RBFOX1: variants seen among roughly 807,000 people sequenced by gnomAD.
The protein encoded by RBFOX1 is RNA binding fox-1 homolog 1, also known as RNA binding protein fox-1 homolog 1.
RBFOX1 carries 8 observed loss-of-function variants against 57.7 expected under a neutral mutation model. That is an observed-to-expected ratio of 0.14 (90% CI 0.08 to 0.25). RBFOX1 has a LOEUF of 0.25. RBFOX1 is among the 10% of genes least tolerant of loss of function. The pLI is 1.00. For missense variants in RBFOX1, 611 were observed against 548.5 expected, an observed-to-expected ratio of 1.11 and a Z score of -1.14; for synonymous variants, 326 against 222.4, an observed-to-expected ratio of 1.47 and a Z score of -4.15.
At position 7,709,102 on chromosome 16, in the gene RBFOX1, C is replaced by A; in HGVS notation, c.1042C>A (p.Pro348Thr). 6.2e-7 allele frequency: 1 copy of A among 1,613,582 alleles called. No homozygotes were observed. The highest frequency in any genetic ancestry group is 8.5e-7 in the Non-Finnish European group (1 of 1,179,714). ...AADPYHHALA[P>T]APTYGVGAMN... ...CGACCCCTACCACCACGCACTTGCT[C>A]CAGCCCCCACCTACGGCGTTGGTGC... Residue 348 changes from proline to threonine, a missense_variant, in exon 15 of 16, where the codon CCA (proline) becomes ACA (threonine). By Grantham distance (38) the Pro-to-Thr change is conservative (BLOSUM62 -1). Around this residue, in one of 3 missense-constraint regions of RBFOX1, gnomAD observed 267 missense variants for 229.1 expected, o/e 1.17. Transcript: ENST00000550418.
intron 4 of RBFOX1, among the ~76,000 whole-genome samples, chr16:5,985,217 C>A (rs2060263046): frequency 1.3e-5 from 2 of 151,496 alleles, no homozygotes; most frequent in African/African-American, 2.4e-5. Flanking sequence ...TGGTCTCGAT[C>A]TCCTGACCTC....
intron 4 of RBFOX1, among the ~76,000 whole-genome samples, chr16:7,075,812 C>G (rs1470304642): frequency 6.6e-6 from 1 of 152,090 alleles, no homozygotes; most frequent in Admixed American, 6.6e-5. Context: ...GATCTCCTGA[C>G]CTCGTGATCT....
intron 4 of RBFOX1, among the ~76,000 whole-genome samples, chr16:7,323,452 A>G (rs906157434): frequency 6.6e-6 from 1 of 152,174 alleles, no homozygotes; most frequent in African/African-American, 2.4e-5. Flanking sequence ...TTTTCTAAAA[A>G]CCCAGGCCAC....
intron 2 of RBFOX1, among the ~76,000 whole-genome samples, chr16:5,588,160 A>C (rs1163180915): frequency 6.6e-6 from 1 of 152,168 alleles, no homozygotes; most frequent in Non-Finnish European, 1.5e-5. Flanking sequence ...ACACAAATAA[A>C]TCCATAAAGA....
intron 3 of RBFOX1, among the ~76,000 whole-genome samples, chr16:6,963,821 C>G (rs1260597779): frequency 3.3e-5 from 5 of 151,670 alleles, no homozygotes; most frequent in African/African-American, 1.2e-4. Flanking sequence ...GCCTCAGCCT[C>G]TCGAGTAGCT....
chr16:6,572,971 C>G (rs956249761), intron 2 of RBFOX1, among the ~76,000 whole-genome samples: 4 of 152,126 alleles, frequency 2.6e-5, no homozygotes, highest in Non-Finnish European at 5.9e-5. Flanking sequence ...TAAATACCTT[C>G]CCTCGGGGAC....
At chr16:6,766,304 CT>C (rs960089028) in intron 3 of RBFOX1, among the ~76,000 whole-genome samples, 2 of 151,784 alleles carry the variant, frequency 1.3e-5, no homozygotes, top group African/African-American at 4.8e-5. Flanking sequence ...AGAATTTTTC[CT>C]TTTTTATTTA....
chr16:5,520,453 C>A (rs956028315), intron 2 of RBFOX1, among the ~76,000 whole-genome samples: 2 of 152,186 alleles, frequency 1.3e-5, no homozygotes, highest in African/African-American at 4.8e-5. Flanking sequence ...CTTGGGCGTC[C>A]ATGTCATCTA....
intron 1 of RBFOX1, among the ~76,000 whole-genome samples, chr16:5,460,235 C>T (rs1186154221): frequency 6.6e-6 from 1 of 152,204 alleles, no homozygotes; most frequent in Non-Finnish European, 1.5e-5. Context: ...AGGTTTGAAT[C>T]CCAGCCCACT....
rs183421526 is a variant in RBFOX1 at position 6,908,904 on chromosome 16, A to T, written c.-15-143153A>T. ...GAACAATGCTAGGCACATCCTAAGC[A>T]TTCATGACTGCAGCTGCTAGGATAA... is the stretch of plus-strand genomic sequence containing the variant. On this transcript the variant is annotated intron_variant, in intron 3 of 15. Transcript: ENST00000550418. 1.7e-4 allele frequency among the ~76,000 whole-genome samples: 26 copies of T among 152,272 alleles called. No individual in the cohort carries two copies. In the East Asian group the frequency reaches 4.8e-3, roughly 28 times the overall value.
intron 3 of RBFOX1, among the ~76,000 whole-genome samples, chr16:6,746,933 G>C (rs1048580993): frequency 7.9e-5 from 12 of 152,080 alleles, no homozygotes; most frequent in African/African-American, 2.7e-4. Flanking sequence ...GACTTCAGCA[G>C]GTGTCTCACT....
chr16:7,245,228 ATATAGT>A lies in RBFOX1; in HGVS notation c.27+193136_27+193141del, dbSNP rs574392677. Among the ~76,000 whole-genome samples, 16 of 152,318 alleles carry A rather than the reference ATATAGT, an allele frequency of 1.1e-4. No individual in the cohort carries two copies. The East Asian group carries it at 2.7e-3, about 26-fold the overall frequency. On this transcript the variant is annotated intron_variant, in intron 4 of 15. Coordinates refer to ENST00000550418, the MANE Select transcript of RBFOX1 (RefSeq NM_018723.4). ...TTATATTTCATTTGAAAAATATTTC[ATATAGT>A]TATAGAATTCTAGATTTTGAGTAAT...
At chr16:5,843,914 T>C (rs1224739323) in intron 3 of RBFOX1, among the ~76,000 whole-genome samples, 1 of 152,062 alleles carries the variant, frequency 6.6e-6, no homozygotes, top group Non-Finnish European at 1.5e-5. Flanking sequence ...GTTCTGGAGG[T>C]TGAATTTCAG....
intron 4 of RBFOX1, among the ~76,000 whole-genome samples, chr16:7,237,627 C>T (rs2093835971): frequency 6.6e-6 from 1 of 152,196 alleles, no homozygotes; most frequent in Admixed American, 6.5e-5. Context: ...GTAAATTCTG[C>T]TTTCTCAAGC....
rs920829972 is a variant in RBFOX1 at position 6,973,187 on chromosome 16, G to T, written c.-15-78870G>T. The stretch of plus-strand genomic sequence containing the variant: ...AAGGCCATCAGCTTTGAGAGAGTGT[G>T]TGTGTGGTGGTGGGGGGCGGGGTTG... On this transcript the variant is annotated intron_variant, in intron 3 of 15. Transcript: ENST00000550418. 7.9e-5 allele frequency among the ~76,000 whole-genome samples: 12 copies of T among 151,278 alleles called. 1 individual carries two copies. In the South Asian group the frequency reaches 2.3e-3, roughly 29 times the overall value.
chr16:5,313,187 C>A (rs1353354479), intron 1 of RBFOX1, among the ~76,000 whole-genome samples: 1 of 152,194 alleles, frequency 6.6e-6, no homozygotes, highest in African/African-American at 2.4e-5. Flanking sequence ...TACTCAAAGT[C>A]ATGCACAGCC....
rs928919435 is a variant in RBFOX1 at position 5,515,053 on chromosome 16, A to G, written c.258+47799A>G. Among the ~76,000 whole-genome samples the G allele has an allele frequency of 2.6e-5, 4 of 152,308 alleles. No individual in the cohort carries two copies. In the South Asian group the frequency reaches 8.3e-4, roughly 32 times the overall value. Reference sequence around the variant, plus strand: ...GAGCAAGGTCCCAGACTCTTTAACAACCAACTCTCTAATGAATTTACAGAA... The same window carrying G: ...GAGCAAGGTCCCAGACTCTTTAACAGCCAACTCTCTAATGAATTTACAGAA... On this transcript the variant is annotated intron_variant, in intron 2 of 2. Coordinates refer to the RBFOX1 transcript ENST00000585867.
chr16:7,289,286 G>T (rs1281283723), intron 4 of RBFOX1, among the ~76,000 whole-genome samples: 1 of 152,166 alleles, frequency 6.6e-6, no homozygotes, highest in Non-Finnish European at 1.5e-5. Context: ...GGCTCCCTTT[G>T]TTTCTAGCCT....
intron 1 of RBFOX1, among the ~76,000 whole-genome samples, chr16:6,184,994 T>C (rs957361569): frequency 6.6e-6 from 1 of 152,154 alleles, no homozygotes; most frequent in African/African-American, 2.4e-5. Context: ...TTTACACTTG[T>C]GTGAATTCGG....
Sources: gnomAD v4.1 joint callset for allele counts (sites outside exome capture counted in the v4.1 genomes callset) on GRCh38, gnomAD v4.1.1 for gene constraint, gnomAD v4.1.1 regional missense constraint, MANE v1.5 for transcripts, NCBI Gene and HGNC (gene_info 2026-07-23, HGNC 2026-07-21) for gene names.